The following ROPN1 variants were observed in gnomAD, a reference collection of about 807,000 sequenced individuals.
The protein encoded by ROPN1 is ropporin-1A.
In ROPN1, 14 loss-of-function variants were observed where a neutral mutation model predicts 20.5. That is an observed-to-expected ratio of 0.68 (90% CI 0.45 to 1.07). The LOEUF (loss-of-function observed/expected upper bound fraction) is 1.07. Ranked by LOEUF, ROPN1 falls within the 50% of genes least tolerant of loss-of-function variation. The pLI, the probability that ROPN1 is intolerant of heterozygous loss-of-function variation, is 0.00. For missense variants in ROPN1, 169 were observed against 242.8 expected, an observed-to-expected ratio of 0.70 and a Z score of 2.02; for synonymous variants, 76 against 95.7, an observed-to-expected ratio of 0.79 and a Z score of 1.20.
rs1413911266 is a variant in ROPN1, at chr3:123,976,918, A to G, written c.180T>C (p.Ala60=). The G allele has an allele frequency of 1.6e-5, 26 of 1,612,814 alleles. No homozygotes were observed. The highest frequency in any genetic ancestry group is 2.1e-5 in the Non-Finnish European group (25 of 1,179,536). ...GTGTTAGCTCTGCCCGGTTACACAAAGCGACTCGCTCAGACCGCTCTCTCA... is the reference window on the plus strand; with the variant it reads ...GTGTTAGCTCTGCCCGGTTACACAAGGCGACTCGCTCAGACCGCTCTCTCA... ...PPVRERSERV[A]LCNRAELTPE... is the part of the protein sequence containing the mutation. The change falls in exon 3 of 6, where the codon GCT becomes GCC. Residue 60 remains alanine (A), a synonymous_variant. Transcript: ENST00000405845.
chr3:123,972,402 G>A (rs369555725), intron 4 of ROPN1, among the ~76,000 whole-genome samples: 5 of 152,270 alleles, frequency 3.3e-5, no homozygotes, highest in African/African-American at 9.6e-5. Context: ...AGCATCTTGC[G>A]AGCTTCATTT....
intron 1 of ROPN1, among the ~76,000 whole-genome samples, chr3:123,988,238 T>C (rs2038312747): frequency 6.6e-6 from 1 of 152,076 alleles, no homozygotes; most frequent in Admixed American, 6.6e-5. Flanking sequence ...TTCCACCTCT[T>C]GGGTTCAAGC....
At chr3:123,990,389 T>C (rs2038378644) in intron 1 of ROPN1, among the ~76,000 whole-genome samples, 1 of 151,974 alleles carries the variant, frequency 6.6e-6, no homozygotes, top group African/African-American at 2.4e-5. Flanking sequence ...CAAGCTTGGA[T>C]GACTGGGTGC....
chr3:123,969,056 G>T lies in ROPN1; in HGVS notation c.*99C>A. 1.1e-6 allele frequency: 1 copy of T among 916,420 alleles called. No individual in the cohort carries two copies. 56.8% of individuals were successfully genotyped at this position (916,420 alleles called of 1,614,324 possible). On this transcript the variant is annotated 3_prime_UTR_variant, in exon 6 of 6. Coordinates refer to ENST00000405845, the MANE Select transcript of ROPN1 (RefSeq NM_001317774.2). The stretch of plus-strand genomic sequence containing the variant: ...TTTAATTGTTTATTAGTGTGTACCA[G>T]TTGTACAAGAAAATTGATTTTGGGT...
At chr3:123,977,410 A>G (rs185018273) in intron 2 of ROPN1, among the ~76,000 whole-genome samples, 98 of 152,346 alleles carry the variant, frequency 6.4e-4, no homozygotes, top group Admixed American at 1.8e-3. Flanking sequence ...CAGCACAGGA[A>G]TGGTGGCTAG....
chr3:123,978,003 C>T (rs1201039412), intron 2 of ROPN1, among the ~76,000 whole-genome samples: 1 of 152,174 alleles, frequency 6.6e-6, no homozygotes, highest in African/African-American at 2.4e-5. Flanking sequence ...ATTTCTGTCC[C>T]GCCCTGCTTT....
intron 5 of ROPN1, among the ~76,000 whole-genome samples, chr3:123,969,757 A>G (rs1401014676): frequency 6.6e-6 from 1 of 152,232 alleles, no homozygotes; most frequent in Admixed American, 6.5e-5. Flanking sequence ...TTATGATTCC[A>G]TAGGTCCAGG....
intron 1 of ROPN1, among the ~76,000 whole-genome samples, chr3:123,982,980 G>T (rs1056535808): frequency 1.8e-4 from 27 of 152,108 alleles, no homozygotes; most frequent in Admixed American, 7.9e-4. Context: ...TTTGTGTGTG[G>T]TTTATTTCGC....
intron 1 of ROPN1, among the ~76,000 whole-genome samples, chr3:123,987,079 T>C (rs892955598): frequency 6.6e-6 from 1 of 152,256 alleles, no homozygotes; most frequent in Non-Finnish European, 1.5e-5. Context: ...TGGCCATCCC[T>C]GGCCATGCTG....
intron 1 of ROPN1, among the ~76,000 whole-genome samples, chr3:123,983,998 T>C (rs1198721392): frequency 2.6e-5 from 4 of 152,188 alleles, no homozygotes; most frequent in Non-Finnish European, 5.9e-5. Context: ...TTCTTGAGAC[T>C]TTCTCTTCCT....
intron 4 of ROPN1, among the ~76,000 whole-genome samples, chr3:123,972,528 G>A (rs1010192837): frequency 5.9e-5 from 9 of 152,202 alleles, no homozygotes; most frequent in Admixed American, 6.5e-5. Flanking sequence ...TTAATAATCA[G>A]TTCAGTGGAA....
intron 1 of ROPN1, among the ~76,000 whole-genome samples, chr3:123,985,253 T>C (rs1314496006): frequency 6.6e-6 from 1 of 152,244 alleles, no homozygotes; most frequent in Non-Finnish European, 1.5e-5. Flanking sequence ...GACGCCTTTA[T>C]AGGGCTTTTC....
chr3:123,982,001 A>G (rs2038159568), intron 1 of ROPN1, among the ~76,000 whole-genome samples: 1 of 152,244 alleles, frequency 6.6e-6, no homozygotes, highest in South Asian at 2.1e-4. Context: ...AAAATAATGC[A>G]TACATATCAG....
rs1020081737 is a variant in ROPN1 at position 123,991,998 on chromosome 3, G to A, written c.-89C>T. 1 of 132,938 alleles carries A rather than the reference G, an allele frequency of 7.5e-6. No homozygotes were observed. The highest frequency in any genetic ancestry group is 2.6e-5 in the African/African-American group (1 of 38,004). The allele number at this position is 132,938 out of a possible 1,614,324, so 8.2% of individuals were successfully genotyped here. On this transcript the variant is annotated 5_prime_UTR_variant, in exon 1 of 6. Transcript: ENST00000405845. ...TGGCCTCAGGCGAGAGGTGTGGGGA[G>A]AGACCGAGTGCCTCCCACCCTTCTT... is the stretch of plus-strand genomic sequence containing the variant.
At chr3:123,983,553 C>T (rs922078179) in intron 1 of ROPN1, among the ~76,000 whole-genome samples, 1 of 152,226 alleles carries the variant, frequency 6.6e-6, no homozygotes, top group Non-Finnish European at 1.5e-5. Flanking sequence ...AAAGCCTTTA[C>T]TTCATCCCAT....
At chr3:123,974,702 G>T (rs1392160513) in intron 4 of ROPN1, 1 of 152,494 alleles carries the variant, frequency 6.6e-6, no homozygotes, top group African/African-American at 2.4e-5. Flanking sequence ...TTCATTTTAA[G>T]TTATTTTAAC....
At chr3:123,986,649 T>C (rs1049967430) in intron 1 of ROPN1, among the ~76,000 whole-genome samples, 3 of 151,966 alleles carry the variant, frequency 2.0e-5, no homozygotes, top group African/African-American at 7.3e-5. Flanking sequence ...TGGCAGTCAG[T>C]GGGGGTCAGC....
At chr3:123,977,130 C>T in intron 2 of ROPN1, 149 bp from the exon 3 acceptor site, 1 of 730,490 alleles carries the variant, frequency 1.4e-6, no homozygotes, top group Non-Finnish European at 2.2e-6. Flanking sequence ...GTTTAGTTCA[C>T]TTACATATGG....
rs200173296 is a variant in ROPN1, at chr3:123,970,195, A to G, written c.419T>C (p.Ile140Thr). ...LGVTITKTLK[I>T]VCEVLSCDHN... ...GTCACATGATAAGACCTCACACACTATCTTGAGAGTTTTGGTAATAGTCTA... is the reference window on the plus strand; with the variant it reads ...GTCACATGATAAGACCTCACACACTGTCTTGAGAGTTTTGGTAATAGTCTA... Residue 140 changes from isoleucine (I) to threonine (T), a missense_variant, in exon 5 of 6, where the codon ATA (isoleucine) becomes ACA (threonine). Around this residue, in one of 3 missense-constraint regions of ROPN1, gnomAD observed 82 missense variants for 100.1 expected, o/e 0.82. Coordinates refer to ENST00000405845, the MANE Select transcript of ROPN1 (RefSeq NM_001317774.2). The G allele has an allele frequency of 1.1e-4, 174 of 1,613,836 alleles. No individual in the cohort carries two copies. The East Asian group carries it at 3.9e-3, about 36-fold the overall frequency.
Sources: gnomAD v4.1 joint callset for allele counts (sites outside exome capture counted in the v4.1 genomes callset) on GRCh38, gnomAD v4.1.1 for gene constraint, gnomAD v4.1.1 regional missense constraint, MANE v1.5 for transcripts, NCBI Gene and HGNC (gene_info 2026-07-23, HGNC 2026-07-21) for gene names.